Variants in SMOC2 observed in about 807,000 individuals in gnomAD.
The protein encoded by SMOC2 is SPARC-related modular calcium-binding protein 2.
In SMOC2, 39 loss-of-function variants were observed where a neutral mutation model predicts 61.4. The observed-to-expected ratio is 0.64, with a 90% CI of 0.49 to 0.83. SMOC2 has a LOEUF of 0.83. Among genes scored for constraint, SMOC2 ranks in the 40% least tolerant of loss-of-function variants. The pLI, the probability that SMOC2 is intolerant of heterozygous loss-of-function variation, is 0.00. For missense variants in SMOC2, 556 were observed against 592.9 expected, an observed-to-expected ratio of 0.94 and a Z score of 0.65; for synonymous variants, 247 against 239.9, an observed-to-expected ratio of 1.03 and a Z score of -0.27.
At chr6:168,599,221 C>CACTCAT (rs1785426384) in intron 8 of SMOC2, among the ~76,000 whole-genome samples, 1 of 147,376 alleles carries the variant, frequency 6.8e-6, no homozygotes, top group Non-Finnish European at 1.5e-5. Flanking sequence ...TACCCACACA[C>CACTCAT]ACCCATGGTC....
chr6:168,633,622 CAGA>C (rs948466062), intron 9 of SMOC2, among the ~76,000 whole-genome samples: 10 of 152,214 alleles, frequency 6.6e-5, no homozygotes, highest in East Asian at 1.9e-4. Context: ...GTCATTGAGG[CAGA>C]AGAAGAAGTG....
intron 9 of SMOC2, among the ~76,000 whole-genome samples, chr6:168,624,002 G>C (rs923950962): frequency 6.6e-6 from 1 of 152,214 alleles, no homozygotes; most frequent in African/African-American, 2.4e-5. Flanking sequence ...GGCTCCTGCA[G>C]CTCAGGGGCG....
intron 1 of SMOC2, among the ~76,000 whole-genome samples, chr6:168,442,426 C>T (rs546334107): frequency 6.6e-5 from 10 of 152,378 alleles, no homozygotes; most frequent in African/African-American, 2.2e-4. Flanking sequence ...GGCCGGGTGT[C>T]TGCAGCCCCC....
At chr6:168,459,199 C>T (rs1781660134) in intron 1 of SMOC2, among the ~76,000 whole-genome samples, 1 of 152,208 alleles carries the variant, frequency 6.6e-6, no homozygotes, top group African/African-American at 2.4e-5. Flanking sequence ...AACGGTTTGA[C>T]AGGAGCGATG....
chr6:168,666,187 CT>C (rs1386860826), intron 12 of SMOC2, among the ~76,000 whole-genome samples: 1 of 152,098 alleles, frequency 6.6e-6, no homozygotes, highest in African/African-American at 2.4e-5. Context: ...GTGGATGTTA[CT>C]TTTTTGAAAC....
chr6:168,583,957 C>T (rs76459396), intron 7 of SMOC2, among the ~76,000 whole-genome samples: 1,753 of 152,368 alleles, frequency 0.012, 30 homozygotes, highest in African/African-American at 0.039. Context: ...AACCAAGCAT[C>T]TCCAAAAGTT....
intron 1 of SMOC2, among the ~76,000 whole-genome samples, chr6:168,495,080 G>A (rs902081826): frequency 1.3e-5 from 2 of 152,240 alleles, no homozygotes; most frequent in Admixed American, 1.3e-4. Context: ...AGGGTCTAAG[G>A]TAAGAGCAAA....
At chr6:168,562,357 C>G (rs1583112313) in intron 7 of SMOC2, among the ~76,000 whole-genome samples, 3 of 134,506 alleles carry the variant, frequency 2.2e-5, no homozygotes, top group African/African-American at 9.1e-5. Context: ...GAGGAGGTGT[C>G]ATTTTCCTGC....
rs113854482 is a variant in SMOC2, at chr6:168,451,317, A to G, written c.84+9863A>G. 3.6e-3 allele frequency among the ~76,000 whole-genome samples: 555 copies of G among 152,344 alleles called. 2 individuals are homozygous for G. The highest frequency in any genetic ancestry group is 0.013 in the African/African-American group (535 of 41,576). ...GACACTTTGTGAAGAACGTTGTCCC[A>G]TGAGCTCTGAATAGTCATAAGAGCA... On this transcript the variant is annotated intron_variant, in intron 1 of 12. Coordinates refer to ENST00000356284, the MANE Select transcript of SMOC2 (RefSeq NM_001166412.2).
At position 168,504,124 on chromosome 6, in the gene SMOC2, C is replaced by A. The variant is rs547270483; in HGVS notation, c.85-5791C>A. 2.0e-5 allele frequency among the ~76,000 whole-genome samples: 3 copies of A among 152,138 alleles called. No homozygotes were observed. The East Asian group carries it at 5.8e-4, about 29-fold the overall frequency. The stretch of plus-strand genomic sequence containing the variant: ...TGACACATCCACGTCTGTGGATTTG[C>A]CCTGGGATGCCAGCTCACATGGCTT... On this transcript the variant is annotated intron_variant, in intron 1 of 12. Coordinates refer to ENST00000356284, the MANE Select transcript of SMOC2 (RefSeq NM_001166412.2).
intron 1 of SMOC2, among the ~76,000 whole-genome samples, chr6:168,456,925 A>T (rs1781599645): frequency 1.3e-5 from 2 of 152,296 alleles, no homozygotes; most frequent in South Asian, 4.1e-4. Flanking sequence ...CCTGTGAGGC[A>T]TGAGCTCAGG....
At chr6:168,494,350 A>T (rs578056666) in intron 1 of SMOC2, among the ~76,000 whole-genome samples, 91 of 152,298 alleles carry the variant, frequency 6.0e-4, no homozygotes, top group African/African-American at 2.1e-3. Context: ...GCAGACACGC[A>T]CCTAATGCGC....
At chr6:168,523,079 A>ATTTTTTTT (rs1554287070) in intron 2 of SMOC2, among the ~76,000 whole-genome samples, 2 of 93,664 alleles carry the variant, frequency 2.1e-5, no homozygotes, top group African/African-American at 6.6e-5. Context: ...TTGTACAGTA[A>ATTTTTTTT]TTTTTTTTTT....
intron 2 of SMOC2, among the ~76,000 whole-genome samples, chr6:168,521,528 TATC>T (rs1443099403): frequency 2.0e-5 from 3 of 151,872 alleles, no homozygotes; most frequent in African/African-American, 4.8e-5. Flanking sequence ...AGAGATGAAA[TATC>T]ATCCAACAGG....
intron 4 of SMOC2, among the ~76,000 whole-genome samples, chr6:168,529,337 G>A (rs1783530376): frequency 6.6e-6 from 1 of 152,206 alleles, no homozygotes; most frequent in Admixed American, 6.5e-5. Context: ...AGCCAGGCGT[G>A]CGAGATGAAA....
intron 9 of SMOC2, among the ~76,000 whole-genome samples, chr6:168,633,219 G>T (rs1786616261): frequency 6.6e-6 from 1 of 152,222 alleles, no homozygotes. Flanking sequence ...TTTGAACCTT[G>T]AGGAATGTAT....
rs558758071 is a variant in SMOC2, at chr6:168,553,447, C to T, written c.637+4244C>T. 9.9e-5 allele frequency among the ~76,000 whole-genome samples: 15 copies of T among 152,126 alleles called. No individual in the cohort carries two copies. Among genetic ancestry groups the T allele is most frequent in the African/African-American group, 3.4e-4 (14 of 41,430 alleles). On this transcript the variant is annotated intron_variant, in intron 7 of 12. Coordinates refer to ENST00000356284, the MANE Select transcript of SMOC2 (RefSeq NM_001166412.2). The surrounding 1 kb of genome is among the most constrained non-coding windows in gnomAD (Gnocchi z 4.2). Reference sequence around the variant, plus strand: ...ATGTAAGATTTAAACAAATGTAAATCGAATTAGTACTCTTCCCTACTGGCA... The same window carrying T: ...ATGTAAGATTTAAACAAATGTAAATTGAATTAGTACTCTTCCCTACTGGCA...
intron 4 of SMOC2, among the ~76,000 whole-genome samples, chr6:168,529,745 A>G (rs1473576966): frequency 6.6e-6 from 1 of 152,240 alleles, no homozygotes; most frequent in Non-Finnish European, 1.5e-5. Context: ...ATAAATTCAT[A>G]CTGGAATTTA....
chr6:168,637,392 C>T (rs1786766924), intron 9 of SMOC2, among the ~76,000 whole-genome samples: 2 of 152,160 alleles, frequency 1.3e-5, no homozygotes, highest in South Asian at 2.1e-4. Context: ...CACAGGACAG[C>T]TGAAGTCCTG....
Sources: gnomAD v4.1 joint callset for allele counts (sites outside exome capture counted in the v4.1 genomes callset) on GRCh38, gnomAD v4.1.1 for gene constraint, Gnocchi (gnomAD v3.1) non-coding constraint, MANE v1.5 for transcripts, NCBI Gene and HGNC (gene_info 2026-07-23, HGNC 2026-07-21) for gene names.